Variants in ABL2 observed in about 807,000 individuals in gnomAD.
The protein encoded by ABL2 is ABL proto-oncogene 2, non-receptor tyrosine kinase.
ABL2 carries 49 observed loss-of-function variants against 107.7 expected under a neutral mutation model. The observed-to-expected ratio is 0.45, with a 90% confidence interval of 0.36 to 0.58. The LOEUF is 0.58. Ranked by LOEUF, ABL2 falls within the 20% of genes least tolerant of loss-of-function variation. The pLI, the probability that ABL2 is intolerant of heterozygous loss-of-function variation, is 0.00. For missense variants in ABL2, 1,245 were observed against 1,457.0 expected, an observed-to-expected ratio of 0.85 and a Z score of 2.37; for synonymous variants, 549 against 548.6, an observed-to-expected ratio of 1.00 and a Z score of -0.01.
At chr1:179,210,252 T>A (rs1315479611) in intron 1 of ABL2, among the ~76,000 whole-genome samples, 1 of 152,164 alleles carries the variant, frequency 6.6e-6, no homozygotes, top group Non-Finnish European at 1.5e-5. Context: ...ATGCCTATAA[T>A]CCCAGCACTT....
chr1:179,121,915 ATTTTTTTTTT>A (rs71108094), intron 4 of ABL2, 48 bp from the exon 5 acceptor site: 148 of 694,116 alleles, frequency 2.1e-4, no homozygotes, highest in African/African-American at 2.9e-4. Context: ...GAGATTAAGA[ATTTTTTTTTT>A]TTTTTTTTTT....
chr1:179,157,366 G>A (rs1259764457), intron 1 of ABL2, among the ~76,000 whole-genome samples: 2 of 151,926 alleles, frequency 1.3e-5, no homozygotes, highest in African/African-American at 4.8e-5. Context: ...GCCCGATGGC[G>A]TGTGCCTATA....
chr1:179,123,755 G>A (rs1162900509), intron 4 of ABL2, among the ~76,000 whole-genome samples: 1 of 151,976 alleles, frequency 6.6e-6, no homozygotes, highest in Non-Finnish European at 1.5e-5. Context: ...TCAGCTTCCC[G>A]AGTAGCTAGG....
intron 1 of ABL2, among the ~76,000 whole-genome samples, chr1:179,177,197 A>C (rs189658300): frequency 2.6e-5 from 4 of 151,982 alleles, no homozygotes; most frequent in Admixed American, 2.6e-4. Context: ...ACAGGGATTA[A>C]AAACAATGTG....
In ABL2 at chr1:179,109,288, C is replaced by T. The variant is rs754569887; in HGVS notation, c.1979G>A (p.Arg660Lys). 5.6e-6 allele frequency: 9 copies of T among 1,614,110 alleles called. No homozygotes were observed. ...GGFFSSFMKK[R>K]NAPTPPKRSS... ...GCGTTTGGGGGGTGTAGGAGCATTT[C>T]TCTTCTTCATGAAGGAGCTGAAGAA... is the stretch of plus-strand genomic sequence containing the variant. The change falls in exon 12 of 12, where the codon AGA (arginine) becomes AAA (lysine). Residue 660 changes from arginine (R) to lysine (K), a missense_variant. Transcript: ENST00000502732.
chr1:179,197,431 A>G (rs910113502), intron 1 of ABL2, among the ~76,000 whole-genome samples: 10 of 152,042 alleles, frequency 6.6e-5, no homozygotes, highest in Middle Eastern at 3.2e-3. Flanking sequence ...TAAACCTGCT[A>G]TGACTTTGAG....
intron 1 of ABL2, chr1:179,183,905 T>G: frequency 4.0e-6 from 1 of 253,142 alleles, no homozygotes; most frequent in Non-Finnish European, 7.6e-6. Flanking sequence ...CCTCCTGTTC[T>G]GAGACTGGAA....
chr1:179,112,501 A>G (rs1259753411), intron 9 of ABL2, 103 bp from the exon 10 acceptor site: 1 of 824,066 alleles, frequency 1.2e-6, no homozygotes, highest in African/African-American at 1.7e-5. Context: ...CACTTATTAA[A>G]GTACAGTTAC....
intron 1 of ABL2, among the ~76,000 whole-genome samples, chr1:179,137,073 A>G (rs1296868100): frequency 6.6e-6 from 1 of 152,204 alleles, no homozygotes; most frequent in African/African-American, 2.4e-5. Context: ...ATTTTGTTTT[A>G]CATTATGATA....
intron 1 of ABL2, among the ~76,000 whole-genome samples, chr1:179,197,220 C>A (rs781622445): frequency 6.6e-6 from 1 of 151,910 alleles, no homozygotes. Flanking sequence ...GAAATCTATA[C>A]CTAGTCACTT....
intron 1 of ABL2, among the ~76,000 whole-genome samples, chr1:179,144,018 C>G (rs912434566): frequency 2.0e-4 from 30 of 151,860 alleles, no homozygotes; most frequent in Admixed American, 5.2e-4. Flanking sequence ...GTTTTTAAAG[C>G]AAAAAGCCCA....
At position 179,163,673 on chromosome 1, in the gene ABL2, G is replaced by C. The variant is rs553545441; in HGVS notation, c.158-30299C>G. ...GAGGCAGGAGAATCGCTTGAACCCAGGAGGCGGAGGTTGCAGTGAGCTGTG... is the reference window on the plus strand; with the variant it reads ...GAGGCAGGAGAATCGCTTGAACCCACGAGGCGGAGGTTGCAGTGAGCTGTG... On this transcript the variant is annotated intron_variant, in intron 1 of 11. Transcript: ENST00000502732. Among the ~76,000 whole-genome samples the C allele has an allele frequency of 2.7e-3, 415 of 152,326 alleles. 1 individual carries two copies. The highest frequency in any genetic ancestry group is 9.0e-3 in the African/African-American group (373 of 41,560).
intron 1 of ABL2, among the ~76,000 whole-genome samples, chr1:179,206,493 C>A: frequency 7.1e-6 from 1 of 141,110 alleles, no homozygotes. Context: ...AAATGCTATG[C>A]ATCCATTTAA....
chr1:179,100,486 T>A lies in ABL2; in HGVS notation c.*7232A>T, dbSNP rs1367296682. The A allele has an allele frequency of 2.2e-5, 5 of 228,124 alleles. No individual in the cohort carries two copies. The highest frequency in any genetic ancestry group is 5.7e-5 in the Admixed American group (1 of 17,596). The allele number at this position is 228,124 out of a possible 1,614,324, so 14.1% of individuals were successfully genotyped here. A position where few individuals can be genotyped will look rare whatever the true frequency, so the allele number is the denominator to read the frequency against. On this transcript the variant is annotated 3_prime_UTR_variant, in exon 12 of 12. Coordinates refer to ENST00000502732, the MANE Select transcript of ABL2 (RefSeq NM_007314.4). ...TTAAGTATACATATATGTGAAAATT[T>A]AAGTCCCATTCTCCAACTAAAGTTT...
In ABL2 at chr1:179,133,393, G is replaced by T. The variant is rs879104478; in HGVS notation, c.158-19C>A. 1 of 1,613,874 alleles carries T rather than the reference G, an allele frequency of 6.2e-7. No individual in the cohort carries two copies. The highest frequency in any genetic ancestry group is 1.1e-5 in the South Asian group (1 of 91,040). ...AAGTGATCTATTTAAGAAAAAAATT[G>T]ACCACGTCACTTTTCTTAAGCTTCT... On this transcript the variant is annotated intron_variant, in intron 1 of 11. Coordinates refer to ENST00000502732, the MANE Select transcript of ABL2 (RefSeq NM_007314.4).
At position 179,110,288 on chromosome 1, in the gene ABL2, C is replaced by A; in HGVS notation, c.1819G>T (p.Ala607Ser). The stretch of plus-strand genomic sequence containing the variant: ...CCTGCTAAGGGACCCATACCTGGTG[C>A]TAAACTGGAAGCAGAATTTTCTGTG... ...DATENSASSL[A>S]PGFIRGAQAS... The change falls in exon 11 of 12, where the codon GCA becomes TCA. Residue 607 changes from alanine (A) to serine (S), a missense_variant. By Grantham distance (99) the Ala-to-Ser change is moderately conservative. This residue lies in a region of ABL2 where 761 missense variants were observed against 766.4 expected (regional missense o/e 0.99). Coordinates refer to ENST00000502732, the MANE Select transcript of ABL2 (RefSeq NM_007314.4). 6.2e-7 allele frequency: 1 copy of A among 1,614,194 alleles called. No individual in the cohort carries two copies. The highest frequency in any genetic ancestry group is 8.5e-7 in the Non-Finnish European group (1 of 1,180,034).
intron 1 of ABL2, among the ~76,000 whole-genome samples, chr1:179,174,920 A>AAATAATAATAAT (rs374695562): frequency 4.9e-5 from 6 of 122,872 alleles, no homozygotes; most frequent in African/African-American, 8.9e-5. Flanking sequence ...AAAATAAAAA[A>AAATAATAATAAT]AATAATAATA....
chr1:179,193,447 A>C (rs1174641884), intron 1 of ABL2, among the ~76,000 whole-genome samples: 2 of 151,886 alleles, frequency 1.3e-5, no homozygotes, highest in Non-Finnish European at 2.9e-5. Flanking sequence ...TCTGTCACTC[A>C]GGCTGGAGTG....
Position 179,102,111 on chromosome 1 carries a change from A to T in ABL2, c.*5607T>A, listed in dbSNP as rs1653149961. Reference sequence around the variant, plus strand: ...ACTGCAAGCTCCGCCTCCTGGGTTCACGCCATTCTCCTGCCTCAGCCTCCC... The same window carrying T: ...ACTGCAAGCTCCGCCTCCTGGGTTCTCGCCATTCTCCTGCCTCAGCCTCCC... On this transcript the variant is annotated 3_prime_UTR_variant, in exon 12 of 12. Transcript: ENST00000502732. The T allele has an allele frequency of 7.1e-6, 1 of 140,670 alleles. No individual in the cohort carries two copies. The highest frequency in any genetic ancestry group is 2.4e-4 in the South Asian group (1 of 4,194). The allele number at this position is 140,670 out of a possible 1,614,324, so 8.7% of individuals were successfully genotyped here.
Sources: gnomAD v4.1 joint callset for allele counts (sites outside exome capture counted in the v4.1 genomes callset) on GRCh38, gnomAD v4.1.1 for gene constraint, gnomAD v4.1.1 regional missense constraint, MANE v1.5 for transcripts, NCBI Gene and HGNC (gene_info 2026-07-23, HGNC 2026-07-21) for gene names.